Variants in XXYLT1 observed in about 807,000 individuals in gnomAD.
The protein encoded by XXYLT1 is xyloside xylosyltransferase 1, also known as UDP-xylose:alpha-xyloside alpha-1,3-xylosyltransferase.
XXYLT1 carries 20 observed loss-of-function variants against 28.9 expected under a neutral mutation model. That is an observed-to-expected ratio of 0.69 (90% confidence interval 0.49 to 1.00). The LOEUF is 1.00. Among genes scored for constraint, XXYLT1 ranks in the 50% least tolerant of loss-of-function variants. The pLI, the probability that XXYLT1 is intolerant of heterozygous loss-of-function variation, is 0.00. For missense variants in XXYLT1, 542 were observed against 560.1 expected (o/e 0.97, Z 0.33); for synonymous variants, 257 against 253.8 (o/e 1.01, Z -0.12).
At position 195,257,632 on chromosome 3, in the gene XXYLT1, G is replaced by A. The variant is rs1418846898; in HGVS notation, c.504+12923C>T. 1.3e-5 allele frequency among the ~76,000 whole-genome samples: 2 copies of A among 152,072 alleles called. No homozygotes were observed. Among genetic ancestry groups the A allele is most frequent in the Non-Finnish European group, 1.5e-5 (1 of 68,004 alleles). On this transcript the variant is annotated intron_variant, in intron 1 of 3. Transcript: ENST00000310380. The surrounding 1 kb of genome is among the most constrained non-coding windows in gnomAD (Gnocchi z 4.3). ...AGGTACATCCTGGCTGGGCCGGCAC[G>A]GGCCCCGTAGCTCTCCCTGTGGCTC... is the stretch of plus-strand genomic sequence containing the variant.
intron 2 of XXYLT1, among the ~76,000 whole-genome samples, chr3:195,214,016 C>T (rs73067069): frequency 0.046 from 7,009 of 152,258 alleles, 572 homozygotes; most frequent in African/African-American, 0.16. Flanking sequence ...GCCACTGTTA[C>T]CTGCATCACT....
At chr3:195,229,850 G>T (rs558042738) in intron 1 of XXYLT1, among the ~76,000 whole-genome samples, 9 of 152,304 alleles carry the variant, frequency 5.9e-5, no homozygotes, top group Admixed American at 4.6e-4. Context: ...AATAAACATG[G>T]GGGTGCAGAT....
In XXYLT1 at chr3:195,180,502, C is replaced by A; in HGVS notation, c.653-23921G>T. On this transcript the variant is annotated intron_variant, in intron 2 of 3. Transcript: ENST00000310380. The surrounding 1 kb of genome is among the most constrained non-coding windows in gnomAD (Gnocchi z 5.8). ...CCTTTTTCTTTCTATGCTCCTCTTC[C>A]TGGCTCTGTAGCCCTTGAAAAGAAG... The A allele has an allele frequency of 1.5e-5, 15 of 985,508 alleles. No homozygotes were observed. The highest frequency in any genetic ancestry group is 1.7e-5 in the Non-Finnish European group (14 of 830,006). The allele number at this position is 985,508 out of a possible 1,614,324, so 61.0% of individuals were successfully genotyped here.
intron 3 of XXYLT1, among the ~76,000 whole-genome samples, chr3:195,112,250 C>T (rs1465324242): frequency 6.6e-6 from 1 of 152,180 alleles, no homozygotes; most frequent in East Asian, 1.9e-4. Flanking sequence ...CTGTGGGCTG[C>T]CATGGCTGAA....
At chr3:195,137,297 T>C (rs909758435) in intron 3 of XXYLT1, among the ~76,000 whole-genome samples, 6 of 152,250 alleles carry the variant, frequency 3.9e-5, no homozygotes, top group Non-Finnish European at 7.3e-5. Context: ...CAAAAATCCT[T>C]GACCCCATAT....
At chr3:195,184,253 C>A (rs1199643610) in intron 2 of XXYLT1, among the ~76,000 whole-genome samples, 1 of 152,170 alleles carries the variant, frequency 6.6e-6, no homozygotes, top group African/African-American at 2.4e-5. Flanking sequence ...ACAAGCTTGG[C>A]AATTGCTTCA....
chr3:195,186,947 T>A (rs920276065), intron 2 of XXYLT1, among the ~76,000 whole-genome samples: 1 of 149,714 alleles, frequency 6.7e-6, no homozygotes, highest in African/African-American at 2.5e-5. Context: ...CAGGCTAGAG[T>A]GCAGTGGCGC....
intron 1 of XXYLT1, among the ~76,000 whole-genome samples, chr3:195,243,245 G>A (rs1158678879): frequency 6.6e-6 from 1 of 151,862 alleles, no homozygotes; most frequent in Non-Finnish European, 1.5e-5. Context: ...AGCATTAGGA[G>A]ATACACGTAA....
intron 1 of XXYLT1, among the ~76,000 whole-genome samples, chr3:195,267,579 G>C (rs966357578): frequency 2.0e-5 from 3 of 152,202 alleles, no homozygotes; most frequent in African/African-American, 7.2e-5. Flanking sequence ...TCCCTCATCT[G>C]TCAGGTGCTA....
chr3:195,117,136 C>CACACACACACACACACACACAT (rs1385834823), intron 3 of XXYLT1, among the ~76,000 whole-genome samples: 10 of 144,768 alleles, frequency 6.9e-5, no homozygotes, highest in African/African-American at 2.6e-4. Context: ...CACACACACA[C>CACACACACACACACACACACAT]ACACACATCC....
At chr3:195,112,553 A>C (rs759671504) in intron 3 of XXYLT1, among the ~76,000 whole-genome samples, 9 of 149,652 alleles carry the variant, frequency 6.0e-5, no homozygotes, top group Non-Finnish European at 1.2e-4. Flanking sequence ...AGGTGGGAAC[A>C]GCTAGATGAA....
At chr3:195,232,640 A>T (rs942979108) in intron 1 of XXYLT1, among the ~76,000 whole-genome samples, 1 of 152,132 alleles carries the variant, frequency 6.6e-6, no homozygotes, top group Non-Finnish European at 1.5e-5. Context: ...TCATTGACCA[A>T]CTGGTCATTC....
Position 195,077,525 on chromosome 3 carries a change from C to G in XXYLT1, c.786-7414G>C, listed in dbSNP as rs541761310. Among the ~76,000 whole-genome samples the G allele has an allele frequency of 6.6e-6, 1 of 152,330 alleles. No homozygotes were observed. Among genetic ancestry groups the G allele is most frequent in the African/African-American group, 2.4e-5 (1 of 41,592 alleles). On this transcript the variant is annotated intron_variant, in intron 3 of 3. Coordinates refer to ENST00000310380, the MANE Select transcript of XXYLT1 (RefSeq NM_152531.5). This position sits in a 1 kb window ranked among gnomAD's most constrained non-coding sequence, Gnocchi z 4.8. ...TCCTCAGCGATCAGCCCTCGTCCAC[C>G]CAGCCAGCCTCCTGGAGTCTGGAAT... is the stretch of plus-strand genomic sequence containing the variant.
intron 3 of XXYLT1, chr3:195,122,216 G>C (rs188265761): frequency 2.8e-5 from 20 of 702,088 alleles, no homozygotes; most frequent in Non-Finnish European, 4.9e-5. Flanking sequence ...CTCTCCAAAG[G>C]CCCCACCTCC....
chr3:195,110,238 G>GGTGTATGTGTGTGAGGTGTGTGTA (rs1560100466), intron 3 of XXYLT1, among the ~76,000 whole-genome samples: 16 of 38,880 alleles, frequency 4.1e-4, no homozygotes, highest in East Asian at 5.6e-4. Flanking sequence ...AGTGTGTGGT[G>GGTGTATGTGTGTGAGGTGTGTGTA]TGCGTGTGTG....
chr3:195,190,868 G>A (rs34160948), intron 2 of XXYLT1, among the ~76,000 whole-genome samples: 51,826 of 151,702 alleles, frequency 0.34, 9,986 homozygotes, highest in Middle Eastern at 0.49. Context: ...GTGAGCCCTA[G>A]GGAATCACAA....
chr3:195,144,273 A>T (rs1240514390), intron 3 of XXYLT1, among the ~76,000 whole-genome samples: 1 of 151,636 alleles, frequency 6.6e-6, no homozygotes, highest in Non-Finnish European at 1.5e-5. Context: ...GATCGGTGCA[A>T]ATGGCTGGCT....
At chr3:195,259,697 G>A (rs999185210) in intron 1 of XXYLT1, 1 of 984,540 alleles carries the variant, frequency 1.0e-6, no homozygotes, top group African/African-American at 1.7e-5. Context: ...GCCAGGGACA[G>A]ACCCAGCACC....
chr3:195,113,611 G>C lies in XXYLT1; in HGVS notation c.785+42838C>G, dbSNP rs28691878. Among the ~76,000 whole-genome samples the C allele has an allele frequency of 1.4e-3, 220 of 152,224 alleles. 1 individual carries two copies. Among genetic ancestry groups the C allele is most frequent in the Non-Finnish European group, 2.5e-3 (171 of 68,028 alleles). On this transcript the variant is annotated intron_variant, in intron 3 of 3. Transcript: ENST00000310380. ...TTAGAATCCTTTTTCTCTTTAATCA[G>C]TTTTGGATTTCCCCTCTGTTTCATG...
Sources: allele counts gnomAD v4.1 joint callset (sites outside exome capture counted in the v4.1 genomes callset), GRCh38; gene constraint gnomAD v4.1.1; non-coding constraint Gnocchi (gnomAD v3.1); transcripts MANE v1.5; gene names NCBI Gene and HGNC (gene_info 2026-07-23, HGNC 2026-07-21).